ST6GALNAC1: variants seen among roughly 807,000 people sequenced by gnomAD.
ST6GALNAC1 encodes the protein alpha-N-acetylgalactosaminide alpha-2,6-sialyltransferase 1.
ST6GALNAC1 carries 45 observed loss-of-function variants against 56.8 expected under a neutral mutation model. The ratio of observed to expected loss-of-function variants is 0.79; its 90% CI spans 0.62 to 1.02. ST6GALNAC1 has a LOEUF of 1.02. ST6GALNAC1 is among the 50% of genes least tolerant of loss of function. The pLI, the probability that ST6GALNAC1 is intolerant of heterozygous loss-of-function variation, is 0.00. For missense variants in ST6GALNAC1, 743 were observed against 754.8 expected, an observed-to-expected ratio of 0.98 and a Z score of 0.18; for synonymous variants, 295 against 297.8, an observed-to-expected ratio of 0.99 and a Z score of 0.10.
chr17:76,639,675 ACACACACACACACACACACACT>A (rs1567962836), intron 1 of ST6GALNAC1, among the ~76,000 whole-genome samples: 1 of 147,190 alleles, frequency 6.8e-6, no homozygotes, highest in African/African-American at 2.6e-5. Context: ...ACACACACAC[ACACACACACACACACACACACT>A]AGGTGTTCTA....
At chr17:76,641,211 C>T (rs545551369) in intron 1 of ST6GALNAC1, among the ~76,000 whole-genome samples, 1 of 152,244 alleles carries the variant, frequency 6.6e-6, no homozygotes, top group Admixed American at 6.5e-5. Context: ...TCTCCCCCTG[C>T]CCCACGAAAT....
chr17:76,639,397 A>G (rs34023610), intron 1 of ST6GALNAC1, among the ~76,000 whole-genome samples: 43,287 of 151,566 alleles, frequency 0.29, 7,145 homozygotes, highest in African/African-American at 0.46. Context: ...CCAACATGGC[A>G]AAACCCTGTC....
intron 1 of ST6GALNAC1, chr17:76,637,616 C>A: frequency 2.5e-6 from 1 of 398,722 alleles, no homozygotes; most frequent in Non-Finnish European, 4.4e-6. Context: ...GCCAGGTGGA[C>A]CTGAAAGAGC....
At chr17:76,636,994 T>C (rs992120541) in intron 1 of ST6GALNAC1, among the ~76,000 whole-genome samples, 12 of 152,134 alleles carry the variant, frequency 7.9e-5, no homozygotes, top group African/African-American at 1.9e-4. Context: ...CTCTGAAACA[T>C]GTGCTGTGTC....
chr17:76,621,256 C>T (rs2075737998), downstream of ST6GALNAC1, among the ~76,000 whole-genome samples: 2 of 138,662 alleles, frequency 1.4e-5, no homozygotes, highest in South Asian at 4.6e-4. Flanking sequence ...GATCTGGGCT[C>T]ACTGCAACCT....
chr17:76,633,952 T>C (rs1450137671), intron 1 of ST6GALNAC1: 1 of 152,206 alleles, frequency 6.6e-6, no homozygotes, highest in Non-Finnish European at 1.5e-5. Flanking sequence ...GACTAGGATA[T>C]TGAAGAGGCT....
intron 2 of ST6GALNAC1, among the ~76,000 whole-genome samples, chr17:76,628,389 C>T (rs1384087953): frequency 6.6e-6 from 1 of 151,934 alleles, no homozygotes; most frequent in Non-Finnish European, 1.5e-5. Flanking sequence ...GTGATCCTCC[C>T]GCCTCAGCCT....
downstream of ST6GALNAC1, among the ~76,000 whole-genome samples, chr17:76,622,426 G>A (rs571157300): frequency 9.1e-4 from 138 of 152,112 alleles, no homozygotes; most frequent in African/African-American, 2.9e-3. Context: ...GTGCAGTGGC[G>A]TGATCTTGGC....
rs372183793 is a variant in ST6GALNAC1, at chr17:76,629,558, G to A, written c.285C>T (p.His95=). 6.2e-7 allele frequency: 1 copy of A among 1,613,970 alleles called. No homozygotes were observed. Among genetic ancestry groups the A allele is most frequent in the South Asian group, 1.1e-5 (1 of 91,058 alleles). ...ALNTQTQPKA[H]TTGDRGKEAN... Reference sequence around the variant, plus strand: ...CCTCCTTTCCTCTGTCTCCGGTGGTGTGGGCCTTGGGCTGGGTTTGTGTGT... The same window carrying A: ...CCTCCTTTCCTCTGTCTCCGGTGGTATGGGCCTTGGGCTGGGTTTGTGTGT... The change falls in exon 2 of 9, where the codon CAC becomes CAT. Residue 95 remains histidine (H), a synonymous_variant. Coordinates refer to ENST00000156626, the MANE Select transcript of ST6GALNAC1 (RefSeq NM_018414.5).
the ST6GALNAC1 span, among the ~76,000 whole-genome samples, chr17:76,618,789 A>AT: frequency 1.3e-5 from 2 of 150,892 alleles, no homozygotes; most frequent in African/African-American, 4.9e-5. Flanking sequence ...TCAAAAAAAA[A>AT]AAAAATTAGC....
Position 76,625,117 on chromosome 17 carries a change from A to C in ST6GALNAC1, c.*213T>G. ...CATTTAATTAAAAATCCCTGGCCTC[A>C]GGACCTACAGCAATGTACTGAAGAA... On this transcript the variant is annotated 3_prime_UTR_variant, in exon 9 of 9. Transcript: ENST00000156626. 1 of 583,718 alleles carries C rather than the reference A, an allele frequency of 1.7e-6. No individual in the cohort carries two copies. Among genetic ancestry groups the C allele is most frequent in the Non-Finnish European group, 3.0e-6 (1 of 330,972 alleles). The allele number at this position is 583,718 out of a possible 1,614,324, so 36.2% of individuals were successfully genotyped here. A position where few individuals can be genotyped will look rare whatever the true frequency, so the allele number is the denominator to read the frequency against.
At chr17:76,634,715 C>T (rs915156756) in intron 1 of ST6GALNAC1, among the ~76,000 whole-genome samples, 6 of 152,074 alleles carry the variant, frequency 3.9e-5, no homozygotes, top group Middle Eastern at 3.4e-3. Flanking sequence ...GAAACCCCAT[C>T]TCTATTAAAA....
chr17:76,619,349 G>A, the ST6GALNAC1 span, among the ~76,000 whole-genome samples: 5 of 152,310 alleles, frequency 3.3e-5, no homozygotes, highest in South Asian at 1.0e-3. Flanking sequence ...TCTAGGGAAT[G>A]TATGTATACG....
At position 76,627,444 on chromosome 17, in the gene ST6GALNAC1, G is replaced by A. The variant is rs145331310; in HGVS notation, c.971C>T (p.Pro324Leu). ...EWDRLEHFAP[P>L]FGFMELNYSL... ...GTAGTTGAGCTCCATGAAGCCAAAG[G>A]GTGGTGCAAAGTGTTCCAGGCGGTC... The change falls in exon 3 of 9, where the codon CCC (proline) becomes CTC (leucine). Residue 324 changes from proline to leucine, a missense_variant. By Grantham distance (98) the Pro-to-Leu change is moderately conservative. Coordinates refer to ENST00000156626, the MANE Select transcript of ST6GALNAC1 (RefSeq NM_018414.5). The surrounding 1 kb of genome is among the most constrained non-coding windows in gnomAD (Gnocchi z 4.4). 1 of 1,614,214 alleles carries A rather than the reference G, an allele frequency of 6.2e-7. No individual in the cohort carries two copies. The highest frequency in any genetic ancestry group is 8.5e-7 in the Non-Finnish European group (1 of 1,180,034).
chr17:76,629,859 T>G, intron 1 of ST6GALNAC1, 148 bp from the exon 2 acceptor site: 1 of 625,998 alleles, frequency 1.6e-6, no homozygotes, highest in Non-Finnish European at 2.7e-6. Flanking sequence ...TTCAGCTCAC[T>G]GCAACCTCCA....
intron 1 of ST6GALNAC1, among the ~76,000 whole-genome samples, chr17:76,633,237 G>A (rs1347187474): frequency 6.6e-6 from 1 of 151,880 alleles, no homozygotes; most frequent in Non-Finnish European, 1.5e-5. Context: ...ATGGCCAGGC[G>A]TGGTGGCTCA....
chr17:76,622,227 G>A (rs1309734855), downstream of ST6GALNAC1, among the ~76,000 whole-genome samples: 2 of 142,364 alleles, frequency 1.4e-5, no homozygotes, highest in Non-Finnish European at 3.1e-5. Flanking sequence ...TTAGGTTTTT[G>A]GTCTATTTTC....
At chr17:76,637,038 G>T (rs930090242) in intron 1 of ST6GALNAC1, among the ~76,000 whole-genome samples, 1 of 151,914 alleles carries the variant, frequency 6.6e-6, no homozygotes. Context: ...GGCGGTGCAA[G>T]ATGTGCTTTG....
chr17:76,623,641 C>T (rs1349068522), downstream of ST6GALNAC1, among the ~76,000 whole-genome samples: 1 of 152,164 alleles, frequency 6.6e-6, no homozygotes, highest in African/African-American at 2.4e-5. Context: ...TACTGATTTC[C>T]GTATGCCAAT....
Sources: allele counts gnomAD v4.1 joint callset (sites outside exome capture counted in the v4.1 genomes callset), GRCh38; gene constraint gnomAD v4.1.1; non-coding constraint Gnocchi (gnomAD v3.1); transcripts MANE v1.5; gene names NCBI Gene and HGNC (gene_info 2026-07-23, HGNC 2026-07-21).